Variants in NOP14 observed in about 807,000 individuals in gnomAD.
NOP14 encodes the protein NOP14 nucleolar protein, also known as nucleolar protein 14.
Under a neutral mutation model 101.6 loss-of-function variants are expected in NOP14, and 57 were observed. The observed-to-expected ratio is 0.56, with a 90% confidence interval of 0.45 to 0.70. The LOEUF is 0.70. Ranked by LOEUF, NOP14 falls within the 30% of genes least tolerant of loss-of-function variation. The pLI is 0.00. For synonymous variants in NOP14, 428 were observed against 424.0 expected (o/e 1.01, Z -0.12); for missense variants, 1,134 against 1,075.5 (o/e 1.05, Z -0.76).
At chr4:2,946,631 G>A in intron 10 of NOP14, 84 bp from the exon 11 acceptor site, 1 of 1,286,970 alleles carries the variant, frequency 7.8e-7, no homozygotes, top group Non-Finnish European at 1.1e-6. Context: ...TTCCTATGCA[G>A]TCACCTGTTG....
chr4:2,957,998 A>C (rs939928639), intron 1 of NOP14, among the ~76,000 whole-genome samples: 1 of 152,184 alleles, frequency 6.6e-6, no homozygotes, highest in Admixed American at 6.6e-5. Context: ...AAGGGTAAAA[A>C]AGAACACACT....
intron 15 of NOP14, 25 bp downstream of exon 15, chr4:2,941,557 C>T (rs530972585): frequency 1.2e-6 from 2 of 1,606,958 alleles, no homozygotes; most frequent in South Asian, 1.1e-5. Flanking sequence ...CCAGGCAGAG[C>T]ACCCTAGTGG....
At chr4:2,948,214 C>G in intron 9 of NOP14, 64 bp downstream of exon 9, 1 of 1,513,740 alleles carries the variant, frequency 6.6e-7, no homozygotes, top group Non-Finnish European at 8.8e-7. Context: ...TCACACAATT[C>G]TGGCATTCAT....
intron 11 of NOP14, among the ~76,000 whole-genome samples, chr4:2,946,037 G>A (rs1441231904): frequency 2.4e-5 from 1 of 42,118 alleles, no homozygotes; most frequent in Non-Finnish European, 4.6e-5. Context: ...CCTCACTGCC[G>A]TGCACTCTCA....
chr4:2,949,460 C>T (rs1714867378), intron 8 of NOP14, among the ~76,000 whole-genome samples: 1 of 152,218 alleles, frequency 6.6e-6, no homozygotes, highest in Admixed American at 6.5e-5. Flanking sequence ...CCACCTTGGC[C>T]TCCCAAAGTG....
chr4:2,947,456 A>G (rs1714733217), intron 10 of NOP14, 70 bp downstream of exon 10: 2 of 1,064,382 alleles, frequency 1.9e-6, no homozygotes, highest in African/African-American at 1.6e-5. Flanking sequence ...ATGTATTTTT[A>G]TGACTCTAAA....
In NOP14 at chr4:2,940,332, G is replaced by A. The variant is rs564341115; in HGVS notation, c.2200-687C>T. On this transcript the variant is annotated intron_variant, in intron 15 of 17. Coordinates refer to ENST00000416614, the MANE Select transcript of NOP14 (RefSeq NM_001291978.2). Reference sequence around the variant, plus strand: ...TCCTGGAACCCTGGCTGCACCCACAGATACAGCCACTCCTGGGCCCATGTG... The same window carrying A: ...TCCTGGAACCCTGGCTGCACCCACAAATACAGCCACTCCTGGGCCCATGTG... The A allele has an allele frequency of 2.0e-5, 3 of 152,458 alleles. No individual in the cohort carries two copies. The East Asian group carries it at 5.8e-4, about 29-fold the overall frequency. The allele number at this position is 152,458 out of a possible 1,614,324, so 9.4% of individuals were successfully genotyped here.
At position 2,950,126 on chromosome 4, in the gene NOP14, T is replaced by G. The variant is rs757301219; in HGVS notation, c.1090A>C (p.Ser364Arg). 3 of 1,614,226 alleles carry G rather than the reference T, an allele frequency of 1.9e-6. No homozygotes were observed. The South Asian group carries it at 3.3e-5, about 18-fold the overall frequency. Residue 364 changes from serine to arginine, a missense_variant, in exon 8 of 18, where the codon AGT becomes CGT. Transcript: ENST00000416614. ...DPESNEEEGDSSGGEDTEESD... is the reference protein window; with the variant it reads ...DPESNEEEGDRSGGEDTEESD... ...TCCTCTGTGTCCTCCCCGCCTGAAC[T>G]GTCACCTTCTTCCTCGTTGCTCTCA... is the stretch of plus-strand genomic sequence containing the variant.
chr4:2,939,594 G>T lies in NOP14; in HGVS notation c.2251C>A (p.Arg751=). ...TEMESQKQLC[R]PLTCEKSKPV... ...TTGCTCTTCTCACAGGTCAGCGGCCGGCAGAGCTGCTTCTGGCTTTCCATT... is the reference window on the plus strand; with the variant it reads ...TTGCTCTTCTCACAGGTCAGCGGCCTGCAGAGCTGCTTCTGGCTTTCCATT... Residue 751 remains arginine, a synonymous_variant, in exon 16 of 18, where the codon CGG becomes AGG. Transcript: ENST00000416614. 1.9e-6 allele frequency: 3 copies of T among 1,613,920 alleles called. No individual in the cohort carries two copies. The highest frequency in any genetic ancestry group is 2.5e-6 in the Non-Finnish European group (3 of 1,180,032).
chr4:2,946,443 T>G lies in NOP14; in HGVS notation c.1604A>C (p.Lys535Thr). ...CAACCCTGGCAATGCCGCCCGGCCT[T>G]TGGTCTCAATCATTTCTTCCATCTC... ...MHEMEEMIET[K>T]GRAALPGLDV... is the part of the protein sequence containing the mutation. Residue 535 changes from lysine to threonine, a missense_variant, in exon 11 of 18, where the codon AAA (lysine) becomes ACA (threonine). Lys to Thr is a moderately conservative substitution (Grantham distance 78, BLOSUM62 -1). Coordinates refer to ENST00000416614, the MANE Select transcript of NOP14 (RefSeq NM_001291978.2). 6.2e-7 allele frequency: 1 copy of G among 1,614,246 alleles called. No homozygotes were observed. The highest frequency in any genetic ancestry group is 8.5e-7 in the Non-Finnish European group (1 of 1,180,036).
chr4:2,941,711 C>G lies in NOP14; in HGVS notation c.2070G>C (p.Val690=), dbSNP rs1714209272. 1 of 1,612,608 alleles carries G rather than the reference C, an allele frequency of 6.2e-7. No homozygotes were observed. The highest frequency in any genetic ancestry group is 1.1e-5 in the South Asian group (1 of 90,596). The change falls in exon 15 of 18, where the codon GTG becomes GTC. Residue 690 remains valine (V), a synonymous_variant. Coordinates refer to ENST00000416614, the MANE Select transcript of NOP14 (RefSeq NM_001291978.2). ...CGCAGCGCTTCAGCAGGGCCAGGCC[C>G]ACAGCCAGGCAGGACAGTCTGTGAG... The part of the protein sequence containing the change: ...ANHIRLSCLA[V]GLALLKRCVL...
In NOP14 at chr4:2,960,704, TTAA is replaced by T. The variant is rs772006956; in HGVS notation, c.195+2418_195+2420del. 2.7e-4 allele frequency among the ~76,000 whole-genome samples: 36 copies of T among 132,856 alleles called. 1 individual carries two copies. The highest frequency in any genetic ancestry group is 4.2e-4 in the East Asian group (2 of 4,710). The allele number at this position is 132,856 out of a possible 152,430, so 87.2% of individuals were successfully genotyped here. A position where few individuals can be genotyped will look rare whatever the true frequency, so the allele number is the denominator to read the frequency against. On this transcript the variant is annotated intron_variant, in intron 1 of 17. Transcript: ENST00000416614. The stretch of plus-strand genomic sequence containing the variant: ...TATTAATATTATAATCACATTAATA[TTAA>T]TATATTAATATTATAATCACATTAA...
chr4:2,938,621 TCA>T lies in NOP14; in HGVS notation c.*208_*209del. On this transcript the variant is annotated 3_prime_UTR_variant, in exon 18 of 18. Coordinates refer to ENST00000416614, the MANE Select transcript of NOP14 (RefSeq NM_001291978.2). ...ACTCAGCTCAAGCAGTCCTCCTGCT[TCA>T]GCCTCCCGAGTAGTTGGGACTACAG... 1.8e-6 allele frequency: 1 copy of T among 561,332 alleles called. No individual in the cohort carries two copies. The highest frequency in any genetic ancestry group is 3.2e-6 in the Non-Finnish European group (1 of 317,102). The allele number at this position is 561,332 out of a possible 1,614,324, so 34.8% of individuals were successfully genotyped here. A position where few individuals can be genotyped will look rare whatever the true frequency, so the allele number is the denominator to read the frequency against.
rs933274443 is a variant in NOP14 at position 2,938,158 on chromosome 4, A to G, written c.*673T>C. On this transcript the variant is annotated 3_prime_UTR_variant, in exon 18 of 18. Transcript: ENST00000416614. ...ATTTCATCAGGTGACGTTTTAACAG[A>G]AACAAAACCGCAGGCAGCGGGTGGG... is the stretch of plus-strand genomic sequence containing the variant. The G allele has an allele frequency of 7.8e-7, 1 of 1,279,166 alleles. No homozygotes were observed. The highest frequency in any genetic ancestry group is 1.0e-6 in the Non-Finnish European group (1 of 982,852). The allele number at this position is 1,279,166 out of a possible 1,614,324, so 79.2% of individuals were successfully genotyped here. A position where few individuals can be genotyped will look rare whatever the true frequency, so the allele number is the denominator to read the frequency against.
chr4:2,945,188 G>A lies in NOP14; in HGVS notation c.1677C>T (p.Ser559=), dbSNP rs764586163. 22 of 1,588,108 alleles carry A rather than the reference G, an allele frequency of 1.4e-5. No individual in the cohort carries two copies. The highest frequency in any genetic ancestry group is 1.7e-4 in the Middle Eastern group (1 of 6,056). ...GGGTCACCACTGGGTGCCAGAAGTC[G>A]GAAGTTGGAAATAGCAGCCCAGTGA... ...LKITGLLFPT[S]DFWHPVVTPA... is the part of the protein sequence containing the mutation. The change falls in exon 12 of 18, where the codon TCC becomes TCT. Residue 559 remains serine, a synonymous_variant. Transcript: ENST00000416614.
chr4:2,943,990 A>C lies in NOP14; in HGVS notation c.1891+83T>G, dbSNP rs1714421640. Reference sequence around the variant, plus strand: ...TGTTTCCTCTACTTTCGCATATTCTAAACTTTCTACAATGAGTATGAACTA... The same window carrying C: ...TGTTTCCTCTACTTTCGCATATTCTCAACTTTCTACAATGAGTATGAACTA... On this transcript the variant is annotated intron_variant, in intron 13 of 17. Transcript: ENST00000416614. The C allele has an allele frequency of 2.5e-6, 3 of 1,189,088 alleles. No homozygotes were observed. In the Admixed American group the frequency reaches 6.8e-5, roughly 27 times the overall value. 73.7% of individuals were successfully genotyped at this position (1,189,088 alleles called of 1,614,324 possible). A position where few individuals can be genotyped will look rare whatever the true frequency, so the allele number is the denominator to read the frequency against.
rs1402201015 is a variant in NOP14, at chr4:2,956,732, A to G, written c.410T>C (p.Ile137Thr). The change falls in exon 3 of 18, where the codon ATC (isoleucine) becomes ACC (threonine). Residue 137 changes from isoleucine to threonine, a missense_variant. By Grantham distance (89) the Ile-to-Thr change is moderately conservative. Transcript: ENST00000416614. ...LTHYGQSLADIEKHNDIVDSD... is the reference protein window; with the variant it reads ...LTHYGQSLADTEKHNDIVDSD... ...GTCCACAATGTCATTATGCTTCTCG[A>G]TGTCTGCCAAAGACTGGCCATAATG... 1 of 1,613,604 alleles carries G rather than the reference A, an allele frequency of 6.2e-7. No homozygotes were observed. Among genetic ancestry groups the G allele is most frequent in the Non-Finnish European group, 8.5e-7 (1 of 1,179,840 alleles).
At chr4:2,946,678 T>C (rs1714669618) in intron 10 of NOP14, 131 bp from the exon 11 acceptor site, 1 of 751,940 alleles carries the variant, frequency 1.3e-6, no homozygotes, top group African/African-American at 1.8e-5. Flanking sequence ...CCGCTTTTTC[T>C]AACAGCATTC....
rs148967493 is a variant in NOP14, at chr4:2,944,687, G to A, written c.1737+441C>T. Among the ~76,000 whole-genome samples the A allele has an allele frequency of 9.0e-3, 1,364 of 152,298 alleles. 24 individuals are homozygous for A. Among genetic ancestry groups the A allele is most frequent in the African/African-American group, 0.031 (1,270 of 41,550 alleles). ...CTCCGAAAGTGCTGGGATTACAGGC[G>A]TGAGCCACCGCGCCTGGCCAGAGCT... On this transcript the variant is annotated intron_variant, in intron 12 of 17. Transcript: ENST00000416614.
Sources: gnomAD v4.1 joint callset for allele counts (sites outside exome capture counted in the v4.1 genomes callset) on GRCh38, gnomAD v4.1.1 for gene constraint, MANE v1.5 for transcripts, NCBI Gene and HGNC (gene_info 2026-07-23, HGNC 2026-07-21) for gene names.